The following FOXP1 variants were observed in gnomAD, a reference collection of about 807,000 sequenced individuals.
FOXP1 encodes the protein forkhead box P1.
FOXP1 carries 15 observed loss-of-function variants against 98.2 expected under a neutral mutation model. The observed-to-expected ratio is 0.15, with a 90% CI of 0.10 to 0.24. The LOEUF is 0.24. Among genes scored for constraint, FOXP1 ranks in the 10% least tolerant of loss-of-function variants. The probability of loss-of-function intolerance (pLI) is 1.00; values close to 1 mark genes in which losing one functional copy is unlikely to be tolerated. For synonymous variants in FOXP1, 371 were observed against 314.5 expected, an observed-to-expected ratio of 1.18 and a Z score of -1.90; for missense variants, 633 against 848.5, an observed-to-expected ratio of 0.75 and a Z score of 3.15.
intron 5 of FOXP1, among the ~76,000 whole-genome samples, chr3:71,251,010 T>C (rs908369729): frequency 1.4e-4 from 21 of 152,352 alleles, no homozygotes; most frequent in African/African-American, 4.8e-4. Context: ...AATCTTTTCA[T>C]CAAATTTAAG....
intron 3 of FOXP1, among the ~76,000 whole-genome samples, chr3:71,391,727 T>C (rs780770365): frequency 2.1e-4 from 32 of 152,250 alleles, no homozygotes; most frequent in Middle Eastern, 3.2e-3. Flanking sequence ...ATTTTCCTTG[T>C]TGGCACAGTT....
chr3:71,525,060 T>C (rs2043271417), intron 2 of FOXP1, among the ~76,000 whole-genome samples: 1 of 152,178 alleles, frequency 6.6e-6, no homozygotes, highest in African/African-American at 2.4e-5. Flanking sequence ...AACCTAACTC[T>C]TCCATAAAAA....
intron 6 of FOXP1, among the ~76,000 whole-genome samples, chr3:71,184,909 G>C (rs975553681): frequency 1.3e-5 from 2 of 152,084 alleles, no homozygotes; most frequent in Non-Finnish European, 2.9e-5. Flanking sequence ...GATGGTATTA[G>C]AGGCTGGGTG....
intron 6 of FOXP1, among the ~76,000 whole-genome samples, chr3:71,121,131 C>T (rs1022246003): frequency 1.5e-4 from 22 of 151,096 alleles, no homozygotes; most frequent in African/African-American, 4.1e-4. Context: ...CCTGCATTAG[C>T]GTTGTGAGCT....
At chr3:71,560,957 G>C (rs1342011288) in intron 2 of FOXP1, among the ~76,000 whole-genome samples, 2 of 152,270 alleles carry the variant, frequency 1.3e-5, no homozygotes, top group East Asian at 3.9e-4. Flanking sequence ...ATCAGCTAAA[G>C]GGTTTCTTCT....
At position 70,965,741 on chromosome 3, in the gene FOXP1, T is replaced by C. The variant is rs17008086; in HGVS notation, c.1889+149A>G. On this transcript the variant is annotated intron_variant, in intron 20 of 20. Transcript: ENST00000649528. Reference sequence around the variant, plus strand: ...TTTTATGCACTAACCAAGCTGAACATTTCTTGAAGTACAAACTTCTAGCTT... The same window carrying C: ...TTTTATGCACTAACCAAGCTGAACACTTCTTGAAGTACAAACTTCTAGCTT... 9.3e-3 allele frequency: 7,606 copies of C among 821,622 alleles called. 392 individuals carry two copies. The African/African-American group carries it at 0.12, about 12-fold the overall frequency. The allele number at this position is 821,622 out of a possible 1,614,324, so 50.9% of individuals were successfully genotyped here. A position where few individuals can be genotyped will look rare whatever the true frequency, so the allele number is the denominator to read the frequency against.
intron 2 of FOXP1, chr3:71,581,023 A>G (rs1473167530): frequency 2.0e-6 from 2 of 979,000 alleles, no homozygotes; most frequent in Admixed American, 6.1e-5. Context: ...TGTTTATATT[A>G]ATTTCATTAT....
chr3:71,159,490 A>G (rs2061023876), intron 6 of FOXP1, among the ~76,000 whole-genome samples: 1 of 152,218 alleles, frequency 6.6e-6, no homozygotes, highest in African/African-American at 2.4e-5. Context: ...TAGCAAGTGA[A>G]TTGAGTAAGA....
chr3:70,959,534 TCTTTA>T, intron 20 of FOXP1, 143 bp from the exon 21 acceptor site: 9 of 859,076 alleles, frequency 1.0e-5, no homozygotes, highest in African/African-American at 1.7e-5. Context: ...CACACGTGGC[TCTTTA>T]AATTGAAATG....
At chr3:71,288,127 G>T (rs1052259356) in intron 5 of FOXP1, among the ~76,000 whole-genome samples, 14 of 152,128 alleles carry the variant, frequency 9.2e-5, no homozygotes, top group African/African-American at 3.4e-4. Flanking sequence ...TGATCTGCCC[G>T]TCTCGGCCTC....
chr3:71,194,934 G>C (rs1364354218), intron 6 of FOXP1, among the ~76,000 whole-genome samples: 5 of 152,108 alleles, frequency 3.3e-5, no homozygotes, highest in Non-Finnish European at 7.3e-5. Context: ...ACCTCTCTTG[G>C]GCTGATGGCT....
At chr3:71,515,454 CTG>C (rs1337513720) in intron 2 of FOXP1, among the ~76,000 whole-genome samples, 7 of 56,412 alleles carry the variant, frequency 1.2e-4, no homozygotes, top group South Asian at 5.4e-4. Flanking sequence ...AAAAAAAAAA[CTG>C]CACATTTATA....
At chr3:71,138,975 C>T (rs562527271) in intron 6 of FOXP1, among the ~76,000 whole-genome samples, 2 of 151,936 alleles carry the variant, frequency 1.3e-5, no homozygotes, top group African/African-American at 2.4e-5. Context: ...ATATGATGAA[C>T]GGATGCCAAC....
At chr3:71,457,784 T>C (rs2087645576) in intron 3 of FOXP1, among the ~76,000 whole-genome samples, 1 of 152,096 alleles carries the variant, frequency 6.6e-6, no homozygotes, top group South Asian at 2.1e-4. Flanking sequence ...GCCTGGGAAA[T>C]AGGATTTTAT....
chr3:71,246,693 T>C (rs772227652), intron 5 of FOXP1, among the ~76,000 whole-genome samples: 5 of 152,176 alleles, frequency 3.3e-5, no homozygotes, highest in Non-Finnish European at 7.3e-5. Flanking sequence ...AACAGAGAGA[T>C]AGCAAAATCA....
At chr3:71,513,349 G>A (rs966040888) in intron 2 of FOXP1, among the ~76,000 whole-genome samples, 1 of 152,064 alleles carries the variant, frequency 6.6e-6, no homozygotes, top group Non-Finnish European at 1.5e-5. Flanking sequence ...ACTGACTCGT[G>A]TCTTTCTCTT....
At chr3:71,482,688 C>T in intron 3 of FOXP1, among the ~76,000 whole-genome samples, 1 of 152,072 alleles carries the variant, frequency 6.6e-6, no homozygotes, top group Middle Eastern at 3.2e-3. Context: ...GCGTCTGCCA[C>T]CACACCTGGC....
chr3:71,065,065 C>G (rs893952486), intron 7 of FOXP1: 2 of 145,798 alleles, frequency 1.4e-5, no homozygotes, highest in Non-Finnish European at 3.0e-5. Flanking sequence ...ACACAATGGG[C>G]TCCGCGGCCC....
At chr3:71,282,482 G>T (rs984512238) in intron 5 of FOXP1, among the ~76,000 whole-genome samples, 2 of 152,044 alleles carry the variant, frequency 1.3e-5, no homozygotes. Flanking sequence ...AATTACTGGT[G>T]TTGTGGAGCC....
Sources: allele counts gnomAD v4.1 joint callset (sites outside exome capture counted in the v4.1 genomes callset), GRCh38; gene constraint gnomAD v4.1.1; transcripts MANE v1.5; gene names NCBI Gene and HGNC (gene_info 2026-07-23, HGNC 2026-07-21).